The following CALD1 variants were observed in gnomAD, a reference collection of about 807,000 sequenced individuals.
CALD1 encodes caldesmon 1.
A neutral mutation model predicts 99.9 loss-of-function variants in CALD1; 33 were observed. That is an observed-to-expected ratio of 0.33 (90% CI 0.25 to 0.44). The LOEUF (loss-of-function observed/expected upper bound fraction) is 0.44. Among genes scored for constraint, CALD1 ranks in the 20% least tolerant of loss-of-function variants. The pLI is 1.00. For synonymous variants in CALD1, 310 were observed against 325.0 expected, an observed-to-expected ratio of 0.95 and a Z score of 0.50; for missense variants, 861 against 962.1, an observed-to-expected ratio of 0.89 and a Z score of 1.39.
chr7:134,711,734 CTCTGTCTCTG>C, the CALD1 span, among the ~76,000 whole-genome samples: 1 of 114,484 alleles, frequency 8.7e-6, no homozygotes, highest in South Asian at 3.3e-4. Flanking sequence ...GTGTCTCTCT[CTCTGTCTCTG>C]TCTGTCTCTC....
intron 3 of CALD1, among the ~76,000 whole-genome samples, chr7:134,904,637 G>A (rs1276023921): frequency 6.6e-6 from 1 of 152,060 alleles, no homozygotes; most frequent in Non-Finnish European, 1.5e-5. Flanking sequence ...GAGGACAGCT[G>A]GGTCCTTCCC....
chr7:134,837,577 G>A (rs1056467508), intron 1 of CALD1, among the ~76,000 whole-genome samples: 20 of 152,042 alleles, frequency 1.3e-4, no homozygotes, highest in African/African-American at 3.6e-4. Context: ...TCAAATTCCC[G>A]ACCTTGTGAT....
At chr7:134,957,106 A>G (rs1445820934) in intron 9 of CALD1, among the ~76,000 whole-genome samples, 1 of 152,122 alleles carries the variant, frequency 6.6e-6, no homozygotes, top group Non-Finnish European at 1.5e-5. Flanking sequence ...GAGGGGCTTC[A>G]TGGGAAGCCT....
intron 7 of CALD1, chr7:134,944,313 A>G (rs569656577): frequency 6.6e-6 from 1 of 152,036 alleles, no homozygotes; most frequent in East Asian, 1.9e-4. Flanking sequence ...CCCAGTACAC[A>G]CCTGTATATA....
the CALD1 span, among the ~76,000 whole-genome samples, chr7:134,739,209 A>G: frequency 6.6e-6 from 1 of 152,240 alleles, no homozygotes; most frequent in East Asian, 1.9e-4. Context: ...CAGCCCACAC[A>G]ATGTGACACA....
intron 2 of CALD1, among the ~76,000 whole-genome samples, chr7:134,866,175 T>G (rs917722660): frequency 1.3e-5 from 2 of 152,140 alleles, no homozygotes; most frequent in Non-Finnish European, 2.9e-5. Flanking sequence ...GGATGCCCTC[T>G]TAGGGAACTC....
chr7:134,844,639 C>T (rs1302411614), intron 2 of CALD1, among the ~76,000 whole-genome samples: 1 of 152,178 alleles, frequency 6.6e-6, no homozygotes, highest in Non-Finnish European at 1.5e-5. Context: ...CTCAGGCTAC[C>T]ATAGTGAAAA....
chr7:134,747,705 T>G (rs914065200), intron 1 of CALD1, among the ~76,000 whole-genome samples: 1 of 152,218 alleles, frequency 6.6e-6, no homozygotes. Flanking sequence ...GTGGCTCCAG[T>G]GCAGCATGCT....
intron 1 of CALD1, among the ~76,000 whole-genome samples, chr7:134,830,644 T>C (rs1057433825): frequency 2.6e-5 from 4 of 152,150 alleles, no homozygotes; most frequent in Admixed American, 2.6e-4. Flanking sequence ...CTCCCACTTA[T>C]AAGTGAGAAC....
chr7:134,714,277 G>A, the CALD1 span, among the ~76,000 whole-genome samples: 2 of 152,122 alleles, frequency 1.3e-5, no homozygotes, highest in South Asian at 4.1e-4. Flanking sequence ...AGTTGGTTTA[G>A]AGGAGAGGAA....
At chr7:134,728,490 T>C in the CALD1 span, among the ~76,000 whole-genome samples, 1 of 152,194 alleles carries the variant, frequency 6.6e-6, no homozygotes, top group East Asian at 1.9e-4. Context: ...TGAACAAGTG[T>C]AGGCTACAGT....
chr7:134,812,954 C>G (rs12669435), intron 1 of CALD1, among the ~76,000 whole-genome samples: 30,598 of 151,988 alleles, frequency 0.2, 3,216 homozygotes, highest in East Asian at 0.29. Flanking sequence ...GAGTAAAGAC[C>G]AGCAAAGGAG....
intron 3 of CALD1, among the ~76,000 whole-genome samples, chr7:134,909,855 G>C (rs965844789): frequency 2.0e-5 from 3 of 152,038 alleles, no homozygotes; most frequent in African/African-American, 4.8e-5. Flanking sequence ...CCCAATAAAA[G>C]GTACAAAAGA....
At chr7:134,890,706 G>A (rs1337188527) in intron 3 of CALD1, among the ~76,000 whole-genome samples, 13 of 152,314 alleles carry the variant, frequency 8.5e-5, no homozygotes, top group African/African-American at 1.2e-4. Context: ...TTTCCAAGCC[G>A]CTGCTGACCA....
At chr7:134,721,328 G>A in the CALD1 span, among the ~76,000 whole-genome samples, 3 of 62,280 alleles carry the variant, frequency 4.8e-5, no homozygotes, top group Admixed American at 3.8e-4. Context: ...TAAGTCATCT[G>A]CAAAAAAAAA....
upstream of CALD1, among the ~76,000 whole-genome samples, chr7:134,741,064 T>C (rs1562986591): frequency 6.6e-6 from 1 of 152,206 alleles, no homozygotes; most frequent in Non-Finnish European, 1.5e-5. Context: ...ATTTGGACTC[T>C]AGGACTGATA....
At chr7:134,794,884 T>C (rs1007936353) in intron 1 of CALD1, among the ~76,000 whole-genome samples, 10 of 152,236 alleles carry the variant, frequency 6.6e-5, no homozygotes, top group African/African-American at 1.7e-4. Context: ...CTGCAACTTA[T>C]GGTTTATTCT....
chr7:134,720,944 T>C, the CALD1 span, among the ~76,000 whole-genome samples: 2 of 152,216 alleles, frequency 1.3e-5, no homozygotes, highest in Non-Finnish European at 2.9e-5. Flanking sequence ...AAGGGAACCA[T>C]AGATTATAAA....
chr7:134,868,261 G>A (rs541234773), intron 3 of CALD1: 85 of 157,382 alleles, frequency 5.4e-4, no homozygotes, highest in African/African-American at 1.9e-3. Flanking sequence ...TATTAGAAAA[G>A]TATCCAACTC....
Sources: allele counts gnomAD v4.1 joint callset (sites outside exome capture counted in the v4.1 genomes callset), GRCh38; gene constraint gnomAD v4.1.1; transcripts MANE v1.5; gene names NCBI Gene and HGNC (gene_info 2026-07-23, HGNC 2026-07-21).